Variants in GLRB observed in about 807,000 individuals in gnomAD.
The protein encoded by GLRB is glycine receptor beta, also known as glycine receptor subunit beta.
Under a neutral mutation model 54.2 loss-of-function variants are expected in GLRB, and 33 were observed. The observed-to-expected ratio is 0.61, with a 90% confidence interval of 0.46 to 0.81. The LOEUF (loss-of-function observed/expected upper bound fraction) is 0.81. GLRB is among the 40% of genes least tolerant of loss of function. The pLI is 0.00. For missense variants in GLRB, 572 were observed against 584.6 expected (o/e 0.98, Z 0.22); for synonymous variants, 209 against 208.2 (o/e 1.00, Z -0.03).
At chr4:157,089,648 A>G (rs1272632119) in intron 2 of GLRB, among the ~76,000 whole-genome samples, 2 of 152,132 alleles carry the variant, frequency 1.3e-5, no homozygotes, top group African/African-American at 2.4e-5. Context: ...CCTTCCTGAC[A>G]TATTGAGTTT....
intron 2 of GLRB, among the ~76,000 whole-genome samples, chr4:157,102,485 G>T (rs971914831): frequency 2.0e-5 from 3 of 151,952 alleles, no homozygotes; most frequent in Non-Finnish European, 4.4e-5. Flanking sequence ...TGTCCTCGGG[G>T]TTTATCTGTC....
chr4:157,099,340 CT>C (rs200495679), intron 2 of GLRB, among the ~76,000 whole-genome samples: 9,680 of 141,712 alleles, frequency 0.068, 324 homozygotes, highest in East Asian at 0.12. Context: ...GTGTTATTAA[CT>C]TTTTTTTTTT....
chr4:157,166,284 A>G (rs1737704032), intron 9 of GLRB, among the ~76,000 whole-genome samples: 1 of 152,088 alleles, frequency 6.6e-6, no homozygotes, highest in Admixed American at 6.5e-5. Context: ...AGGTTAATAT[A>G]GCCAAATTCG....
At chr4:157,165,023 C>T (rs72980559) in intron 9 of GLRB, among the ~76,000 whole-genome samples, 3,326 of 152,068 alleles carry the variant, frequency 0.022, 76 homozygotes, top group African/African-American at 0.051. Context: ...CAAAAGACAA[C>T]GAGAGATGCA....
chr4:157,141,151 A>G (rs541422354), intron 7 of GLRB, among the ~76,000 whole-genome samples: 1 of 152,062 alleles, frequency 6.6e-6, no homozygotes, highest in South Asian at 2.1e-4. Context: ...CTCAAGAGTT[A>G]TAAGCATTTC....
chr4:157,152,527 C>G (rs1464009589), intron 8 of GLRB, among the ~76,000 whole-genome samples, 191 bp from the exon 9 acceptor site: 1 of 152,070 alleles, frequency 6.6e-6, no homozygotes, highest in African/African-American at 2.4e-5. Flanking sequence ...AAATCCTCAA[C>G]CATAGTCAAT....
intron 2 of GLRB, among the ~76,000 whole-genome samples, chr4:157,094,936 T>C (rs2126462910): frequency 6.6e-6 from 1 of 152,332 alleles, no homozygotes; most frequent in East Asian, 1.9e-4. Context: ...CTATCTGTAA[T>C]TATAAAATAT....
At chr4:157,081,306 A>C (rs986336113) in intron 2 of GLRB, among the ~76,000 whole-genome samples, 49 of 152,126 alleles carry the variant, frequency 3.2e-4, no homozygotes, top group African/African-American at 1.1e-3. Context: ...GTAGAAATCC[A>C]TGGTTGTAGT....
chr4:157,131,054 A>G (rs2126553885), intron 4 of GLRB, among the ~76,000 whole-genome samples: 1 of 151,844 alleles, frequency 6.6e-6, no homozygotes, highest in Middle Eastern at 3.4e-3. Flanking sequence ...TACAAGACAG[A>G]AATCATTAGT....
chr4:157,136,956 G>T, intron 6 of GLRB, 70 bp downstream of exon 6: 1 of 869,630 alleles, frequency 1.1e-6, no homozygotes, highest in East Asian at 2.5e-5. Flanking sequence ...ACATTCTACT[G>T]ACATCTTAGA....
At chr4:157,120,465 C>G (rs1375139550) in intron 2 of GLRB, 91 bp from the exon 3 acceptor site, 6 of 589,198 alleles carry the variant, frequency 1.0e-5, no homozygotes, top group Non-Finnish European at 1.9e-5. Flanking sequence ...GGATTTGTCT[C>G]AAAAAGGCAG....
At chr4:157,110,624 G>A (rs927430171) in intron 2 of GLRB, among the ~76,000 whole-genome samples, 6 of 151,896 alleles carry the variant, frequency 4.0e-5, no homozygotes, top group Middle Eastern at 3.4e-3. Flanking sequence ...ATTTCCATTC[G>A]GGTTGGTTTT....
intron 2 of GLRB, among the ~76,000 whole-genome samples, chr4:157,087,963 A>C (rs1292666299): frequency 6.6e-6 from 1 of 152,090 alleles, no homozygotes; most frequent in African/African-American, 2.4e-5. Context: ...ATTTTATGGA[A>C]GTTTACACTT....
At chr4:157,087,859 A>G (rs181466045) in intron 2 of GLRB, among the ~76,000 whole-genome samples, 1 of 152,100 alleles carries the variant, frequency 6.6e-6, no homozygotes, top group East Asian at 1.9e-4. Flanking sequence ...AAAGTCTCCT[A>G]TATTTTCCTT....
chr4:157,079,265 G>A (rs1275466622), intron 2 of GLRB, among the ~76,000 whole-genome samples: 17 of 152,252 alleles, frequency 1.1e-4, no homozygotes, highest in African/African-American at 2.4e-5. Context: ...TTTCTCAAAT[G>A]TAATATTGAT....
chr4:157,109,357 C>T (rs909755840), intron 2 of GLRB, among the ~76,000 whole-genome samples: 24 of 151,818 alleles, frequency 1.6e-4, no homozygotes, highest in African/African-American at 4.8e-4. Context: ...TCTTAGAATT[C>T]GTTTCCTAAT....
chr4:157,171,200 G>A lies in GLRB; in HGVS notation c.*472G>A, dbSNP rs1048000113. On this transcript the variant is annotated 3_prime_UTR_variant, in exon 10 of 10. Coordinates refer to ENST00000264428, the MANE Select transcript of GLRB (RefSeq NM_000824.5). Reference sequence around the variant, plus strand: ...ATTTAAAAAGGTTGTATTACATATTGTTTAAACTTTGTAAGTAGAAATATA... The same window carrying A: ...ATTTAAAAAGGTTGTATTACATATTATTTAAACTTTGTAAGTAGAAATATA... 2.6e-5 allele frequency: 4 copies of A among 152,528 alleles called. No individual in the cohort carries two copies. Among genetic ancestry groups the A allele is most frequent in the African/African-American group, 9.7e-5 (4 of 41,430 alleles). 9.4% of individuals were successfully genotyped at this position (152,528 alleles called of 1,614,324 possible).
At chr4:157,167,369 A>G (rs2126633016) in intron 9 of GLRB, among the ~76,000 whole-genome samples, 1 of 152,354 alleles carries the variant, frequency 6.6e-6, no homozygotes, top group Non-Finnish European at 1.5e-5. Context: ...AGACTCACAC[A>G]TTCCTCAAAC....
At chr4:157,079,652 A>G (rs1734156208) in intron 2 of GLRB, among the ~76,000 whole-genome samples, 1 of 152,118 alleles carries the variant, frequency 6.6e-6, no homozygotes. Flanking sequence ...CCAGCTGGAT[A>G]TCAGCTGGGA....
Sources: gnomAD v4.1 joint callset for allele counts (sites outside exome capture counted in the v4.1 genomes callset) on GRCh38, gnomAD v4.1.1 for gene constraint, MANE v1.5 for transcripts, NCBI Gene and HGNC (gene_info 2026-07-23, HGNC 2026-07-21) for gene names.